NOS2: variants seen among roughly 807,000 people sequenced by gnomAD.
NOS2 encodes the protein nitric oxide synthase, inducible.
Under a neutral mutation model 136.0 loss-of-function variants are expected in NOS2, and 96 were observed. The ratio of observed to expected loss-of-function variants is 0.71; its 90% CI spans 0.60 to 0.84. The LOEUF (loss-of-function observed/expected upper bound fraction) is 0.84, where lower values mean the gene tolerates loss of function less well. NOS2 is among the 40% of genes least tolerant of loss of function. The pLI, the probability that NOS2 is intolerant of heterozygous loss-of-function variation, is 0.00. For missense variants in NOS2, 1,237 were observed against 1,496.9 expected (o/e 0.83, Z 2.87); for synonymous variants, 539 against 587.5 (o/e 0.92, Z 1.20).
In NOS2 at chr17:27,757,181, G is replaced by A. The variant is rs1040469723; in HGVS notation, c.*65C>T. 4 of 1,317,028 alleles carry A rather than the reference G, an allele frequency of 3.0e-6. No homozygotes were observed. Among genetic ancestry groups the A allele is most frequent in the Non-Finnish European group, 4.3e-6 (4 of 926,238 alleles). The allele number at this position is 1,317,028 out of a possible 1,614,324, so 81.6% of individuals were successfully genotyped here. A position where few individuals can be genotyped will look rare whatever the true frequency, so the allele number is the denominator to read the frequency against. ...CATCTCCCCAGGCCCTGTGACCTCAGATAATGCAGAGCTGGCTCCATCCTT... is the reference window on the plus strand; with the variant it reads ...CATCTCCCCAGGCCCTGTGACCTCAAATAATGCAGAGCTGGCTCCATCCTT... On this transcript the variant is annotated 3_prime_UTR_variant, in exon 27 of 27. Transcript: ENST00000313735.
intron 5 of NOS2, among the ~76,000 whole-genome samples, chr17:27,786,763 A>C (rs569356941): frequency 7.7e-4 from 118 of 152,302 alleles, no homozygotes; most frequent in Non-Finnish European, 1.3e-3. Flanking sequence ...TAGAGAGACA[A>C]AGTAACTTGC....
intron 1 of NOS2, among the ~76,000 whole-genome samples, chr17:27,800,102 C>G (rs981258452): frequency 2.6e-5 from 4 of 152,140 alleles, no homozygotes; most frequent in Non-Finnish European, 5.9e-5. Context: ...CCATTTTGAA[C>G]TTTTCAGAAA....
intron 17 of NOS2, 84 bp downstream of exon 17, chr17:27,768,893 C>T: frequency 7.1e-7 from 1 of 1,405,418 alleles, no homozygotes; most frequent in Non-Finnish European, 9.4e-7. Flanking sequence ...GGTCATGCCA[C>T]CTGGGACGCC....
chr17:27,779,216 G>T (rs940723615), intron 9 of NOS2, among the ~76,000 whole-genome samples, 160 bp from the exon 10 acceptor site: 1 of 151,298 alleles, frequency 6.6e-6, no homozygotes, highest in South Asian at 2.1e-4. Flanking sequence ...GGGCCCAAGC[G>T]ATCCTCCTGC....
rs140074635 is a variant in NOS2 at position 27,773,309 on chromosome 17, G to A, written c.1477-66C>T. 559 of 1,132,500 alleles carry A rather than the reference G, an allele frequency of 4.9e-4. 6 individuals are homozygous for A. In the African/African-American group the frequency reaches 7.9e-3, roughly 16 times the overall value. The allele number at this position is 1,132,500 out of a possible 1,614,324, so 70.2% of individuals were successfully genotyped here. A position where few individuals can be genotyped will look rare whatever the true frequency, so the allele number is the denominator to read the frequency against. On this transcript the variant is annotated intron_variant, in intron 12 of 26. Transcript: ENST00000313735. ...TGGCTTGGCTCAGCTCGCGGATGCT[G>A]GAGTGGTAGAGGACCCTTCACACCC...
chr17:27,799,506 C>T (rs1909462395), intron 1 of NOS2, among the ~76,000 whole-genome samples: 1 of 152,144 alleles, frequency 6.6e-6, no homozygotes, highest in Admixed American at 6.5e-5. Flanking sequence ...ATCAAAGAGG[C>T]AAAAACTCTG....
chr17:27,773,276 C>A (rs146104807), intron 12 of NOS2, 33 bp from the exon 13 acceptor site: 10 of 1,552,440 alleles, frequency 6.4e-6, no homozygotes, highest in Admixed American at 1.7e-5. Context: ...GAGGGCAGGG[C>A]GGGGTCCTGG....
At chr17:27,799,302 A>G (rs1479378262) in intron 1 of NOS2, among the ~76,000 whole-genome samples, 1 of 152,124 alleles carries the variant, frequency 6.6e-6, no homozygotes, top group African/African-American at 2.4e-5. Flanking sequence ...CTCATTATCA[A>G]CTGTAGTTTT....
At chr17:27,773,593 C>G (rs531434952) in intron 12 of NOS2, among the ~76,000 whole-genome samples, 1 of 152,294 alleles carries the variant, frequency 6.6e-6, no homozygotes, top group African/African-American at 2.4e-5. Context: ...CCTTTGAGAG[C>G]AAGAAGAGCT....
rs7213691 is a variant in NOS2, at chr17:27,758,600, G to A, written c.3354+281C>T. ...GGCCACACAGATACTTTCTGAAAGG[G>A]GGGTTTGGGGAGAGGCCAGGGAGAC... On this transcript the variant is annotated intron_variant, in intron 26 of 26. Coordinates refer to ENST00000313735, the MANE Select transcript of NOS2 (RefSeq NM_000625.4). Among the ~76,000 whole-genome samples the A allele has an allele frequency of 2.7e-3, 415 of 152,228 alleles. 4 individuals are homozygous for A. The highest frequency in any genetic ancestry group is 9.7e-3 in the African/African-American group (401 of 41,532).
At chr17:27,766,117 A>G (rs1462550363) in intron 19 of NOS2, among the ~76,000 whole-genome samples, 1 of 152,262 alleles carries the variant, frequency 6.6e-6, no homozygotes, top group Non-Finnish European at 1.5e-5. Context: ...GCACAGATCA[A>G]TGAAACCTGC....
chr17:27,792,573 A>T (rs1193933989), intron 2 of NOS2, among the ~76,000 whole-genome samples: 1 of 152,080 alleles, frequency 6.6e-6, no homozygotes, highest in East Asian at 1.9e-4. Context: ...GAATCTGGAC[A>T]CTTCTTTCCA....
chr17:27,780,660 C>T (rs1036258594), intron 9 of NOS2, 107 bp downstream of exon 9: 6 of 1,447,150 alleles, frequency 4.1e-6, no homozygotes, highest in Non-Finnish European at 5.8e-6. Flanking sequence ...TCACCTGCTG[C>T]TGGCTGGGCT....
intron 1 of NOS2, among the ~76,000 whole-genome samples, chr17:27,799,573 G>A (rs564812138): frequency 3.3e-5 from 5 of 152,362 alleles, no homozygotes; most frequent in Non-Finnish European, 5.9e-5. Context: ...GCCAAGTGCA[G>A]TGGCTCACGC....
chr17:27,798,842 C>T lies in NOS2; in HGVS notation c.-33G>A. On this transcript the variant is annotated 5_prime_UTR_variant, in exon 2 of 27. Coordinates refer to ENST00000313735, the MANE Select transcript of NOS2 (RefSeq NM_000625.4). ...GCTTTACAAAGCAGGTCACTTATGT[C>T]ACTTATCTGGATTTGAGCTCAGATG... The T allele has an allele frequency of 7.6e-7, 1 of 1,320,018 alleles. No homozygotes were observed. The allele number at this position is 1,320,018 out of a possible 1,614,324, so 81.8% of individuals were successfully genotyped here.
At chr17:27,765,234 C>T (rs1246621180) in intron 20 of NOS2, among the ~76,000 whole-genome samples, 4 of 152,204 alleles carry the variant, frequency 2.6e-5, no homozygotes, top group Non-Finnish European at 5.9e-5. Context: ...GTGATCCACC[C>T]ACCACGGCCT....
chr17:27,762,262 C>CA (rs1052638331), intron 22 of NOS2, among the ~76,000 whole-genome samples: 13 of 152,332 alleles, frequency 8.5e-5, no homozygotes, highest in Admixed American at 8.5e-4. Flanking sequence ...TCCCTGAGGG[C>CA]AGGGCTGATC....
At position 27,760,165 on chromosome 17, in the gene NOS2, G is replaced by T. The variant is rs1567632124; in HGVS notation, c.3024C>A (p.Gly1008=). ...HDSQHKGVRG[G]RMTLVFGCRR... ...GGCACCCAAACACCAAGGTCATGCG[G>T]CCTCCCCGCACTCCTGCAGGAGTCC... Residue 1008 remains glycine, a synonymous_variant, in exon 25 of 27, where the codon GGC becomes GGA. Transcript: ENST00000313735. 1.3e-6 allele frequency: 2 copies of T among 1,580,672 alleles called. No homozygotes were observed. Among genetic ancestry groups the T allele is most frequent in the Admixed American group, 3.7e-5 (2 of 54,266 alleles).
In NOS2 at chr17:27,792,608, C is replaced by T. The variant is rs376222291; in HGVS notation, c.111-2920G>A. On this transcript the variant is annotated intron_variant, in intron 2 of 26. Transcript: ENST00000313735. ...AAATTATCACATTGTTGATTCTGACCCCGCAGACGCTCGTGCAATTTGACT... is the reference window on the plus strand; with the variant it reads ...AAATTATCACATTGTTGATTCTGACTCCGCAGACGCTCGTGCAATTTGACT... Among the ~76,000 whole-genome samples, 14 of 151,988 alleles carry T rather than the reference C, an allele frequency of 9.2e-5. No homozygotes were observed. The South Asian group carries it at 2.7e-3, about 29-fold the overall frequency.
Sources: allele counts gnomAD v4.1 joint callset (sites outside exome capture counted in the v4.1 genomes callset), GRCh38; gene constraint gnomAD v4.1.1; transcripts MANE v1.5; gene names NCBI Gene and HGNC (gene_info 2026-07-23, HGNC 2026-07-21).